The following GINS3 variants were observed in gnomAD, a reference collection of about 807,000 sequenced individuals.
GINS3 encodes DNA replication complex GINS protein PSF3.
GINS3 carries 18 observed loss-of-function variants against 20.0 expected under a neutral mutation model. The ratio of observed to expected loss-of-function variants is 0.90; its 90% CI spans 0.62 to 1.33. The LOEUF (loss-of-function observed/expected upper bound fraction) is 1.33, where lower values mean the gene tolerates loss of function less well. GINS3 is among the 40% of genes most tolerant of loss of function. The pLI is 0.00. For synonymous variants in GINS3, 109 were observed against 107.0 expected, an observed-to-expected ratio of 1.02 and a Z score of -0.12; for missense variants, 254 against 273.6, an observed-to-expected ratio of 0.93 and a Z score of 0.51.
intron 1 of GINS3, among the ~76,000 whole-genome samples, chr16:58,394,777 G>A (rs1965826883): frequency 6.6e-6 from 1 of 152,148 alleles, no homozygotes; most frequent in Admixed American, 6.5e-5. Flanking sequence ...ACAGGACTTT[G>A]TACTGTTCAT....
At chr16:58,401,294 CT>C (rs879173705) in intron 1 of GINS3, among the ~76,000 whole-genome samples, 1 of 152,012 alleles carries the variant, frequency 6.6e-6, no homozygotes, top group Non-Finnish European at 1.5e-5. Flanking sequence ...AGCTGCAGAC[CT>C]TTGCAGTGAG....
At position 58,403,101 on chromosome 16, in the gene GINS3, T is replaced by C; in HGVS notation, c.190T>C (p.Ser64Pro). 3 of 1,613,870 alleles carry C rather than the reference T, an allele frequency of 1.9e-6. No homozygotes were observed. Among genetic ancestry groups the C allele is most frequent in the Non-Finnish European group, 2.5e-6 (3 of 1,179,706 alleles). ...TCTACATTCATGCATGCTGCAGGGT[T>C]CCAAGCTTGAACTACCCTTGTGGCT... ...AETDNAVPQG[S>P]KLELPLWLAK... Residue 64 changes from serine (S) to proline (P), a missense_variant, in exon 2 of 3, where the codon TCC (serine) becomes CCC (proline). Physicochemically the swap from Ser to Pro is moderately conservative, Grantham distance 74 (BLOSUM62 -1). Coordinates refer to ENST00000318129, the MANE Select transcript of GINS3 (RefSeq NM_022770.4).
intron 1 of GINS3, among the ~76,000 whole-genome samples, chr16:58,400,749 TA>T (rs554089926): frequency 0.014 from 2,123 of 147,998 alleles, 11 homozygotes; most frequent in Non-Finnish European, 0.022. Context: ...TTTTAGCACA[TA>T]AAAAAAAAAT....
chr16:58,404,450 T>G (rs370041449), intron 2 of GINS3, 49 bp from the exon 3 acceptor site: 6 of 1,178,622 alleles, frequency 5.1e-6, no homozygotes, highest in Non-Finnish European at 5.1e-6. Flanking sequence ...GATATGACTT[T>G]GTGGGGTGTG....
intron 1 of GINS3, 156 bp from the exon 2 acceptor site, chr16:58,402,942 C>T: frequency 1.6e-6 from 1 of 615,836 alleles, no homozygotes; most frequent in Admixed American, 2.9e-5. Context: ...CCACACACTT[C>T]ATTGCTTCGA....
intron 1 of GINS3, among the ~76,000 whole-genome samples, chr16:58,400,429 C>CT (rs1265731356): frequency 6.6e-6 from 1 of 152,210 alleles, no homozygotes; most frequent in African/African-American, 2.4e-5. Context: ...TCATGTGGCA[C>CT]TTTCTGTCTA....
At chr16:58,399,545 A>G (rs573915994) in intron 1 of GINS3, among the ~76,000 whole-genome samples, 4 of 152,042 alleles carry the variant, frequency 2.6e-5, no homozygotes, top group Non-Finnish European at 5.9e-5. Context: ...TATGCAGCAT[A>G]TAGTTGGGTT....
chr16:58,397,639 C>T (rs1279826374), intron 1 of GINS3, among the ~76,000 whole-genome samples: 3 of 152,132 alleles, frequency 2.0e-5, no homozygotes, highest in Admixed American at 6.5e-5. Context: ...ACCCCGTCTC[C>T]ACCAAAAAAA....
chr16:58,401,718 G>A (rs1567537043), intron 1 of GINS3, among the ~76,000 whole-genome samples: 1 of 152,222 alleles, frequency 6.6e-6, no homozygotes. Flanking sequence ...TTACAGGCGT[G>A]AGCCACCGGC....
intron 1 of GINS3, among the ~76,000 whole-genome samples, chr16:58,395,484 G>T (rs544363746): frequency 4.4e-4 from 66 of 151,678 alleles, no homozygotes; most frequent in Middle Eastern, 6.8e-3. Flanking sequence ...GCGGCCTTCC[G>T]CAGTGTTTGT....
At chr16:58,397,356 TC>T (rs1041318673) in intron 1 of GINS3, among the ~76,000 whole-genome samples, 38 of 141,218 alleles carry the variant, frequency 2.7e-4, no homozygotes, top group African/African-American at 9.8e-4. Flanking sequence ...CTCCTCACTT[TC>T]CAGACTGGGC....
In GINS3 at chr16:58,403,272, T is replaced by C. The variant is rs1355291942; in HGVS notation, c.361T>C (p.Ser121Pro). Residue 121 changes from serine to proline, a missense_variant, in exon 2 of 3, where the codon TCC (serine) becomes CCC (proline). Ser to Pro is a moderately conservative substitution (Grantham distance 74). Transcript: ENST00000318129. ...KMGPHFYGFGSQLLHFDSPEN... is the reference protein window; with the variant it reads ...KMGPHFYGFGPQLLHFDSPEN... ...GGGGCCCCATTTCTACGGGTTTGGC[T>C]CCCAGCTCCTGCATTTTGACAGTCC... is the stretch of plus-strand genomic sequence containing the variant. The C allele has an allele frequency of 6.2e-7, 1 of 1,614,096 alleles. No individual in the cohort carries two copies. The highest frequency in any genetic ancestry group is 1.7e-5 in the Admixed American group (1 of 60,008).
Position 58,404,832 on chromosome 16 carries a change from A to G in GINS3, c.*103A>G, listed in dbSNP as rs1002653798. 19 of 790,122 alleles carry G rather than the reference A, an allele frequency of 2.4e-5. No individual in the cohort carries two copies. The African/African-American group carries it at 3.3e-4, about 14-fold the overall frequency. The allele number at this position is 790,122 out of a possible 1,614,324, so 48.9% of individuals were successfully genotyped here. A position where few individuals can be genotyped will look rare whatever the true frequency, so the allele number is the denominator to read the frequency against. On this transcript the variant is annotated 3_prime_UTR_variant, in exon 3 of 3. Transcript: ENST00000318129. ...CAGAACCAGAATCCTGTCCCATTTC[A>G]TGGCTTATTTCCTGTGGCCATAGAG...
At position 58,403,500 on chromosome 16, in the gene GINS3, C is replaced by A. The variant is rs1377846547; in HGVS notation, c.420+169C>A. 3 of 568,090 alleles carry A rather than the reference C, an allele frequency of 5.3e-6. No individual in the cohort carries two copies. In the Admixed American group the frequency reaches 9.9e-5, roughly 19 times the overall value. 35.2% of individuals were successfully genotyped at this position (568,090 alleles called of 1,614,324 possible). ...TTTTATATATTTACATATATACACACACACACACACACACACACACATTTT... is the reference window on the plus strand; with the variant it reads ...TTTTATATATTTACATATATACACAAACACACACACACACACACACATTTT... On this transcript the variant is annotated intron_variant, in intron 2 of 2. Coordinates refer to ENST00000318129, the MANE Select transcript of GINS3 (RefSeq NM_022770.4).
intron 1 of GINS3, among the ~76,000 whole-genome samples, chr16:58,399,260 C>G (rs1454271311): frequency 6.7e-6 from 1 of 150,348 alleles, no homozygotes; most frequent in African/African-American, 2.5e-5. Flanking sequence ...GCACTCCAGC[C>G]TGGGTGACAG....
At chr16:58,397,373 G>A (rs1399582865) in intron 1 of GINS3, among the ~76,000 whole-genome samples, 2 of 146,164 alleles carry the variant, frequency 1.4e-5, no homozygotes, top group African/African-American at 2.7e-5. Flanking sequence ...TGGGCAGCCA[G>A]GCAGAGAGGC....
At chr16:58,401,440 G>A (rs1027299113) in intron 1 of GINS3, among the ~76,000 whole-genome samples, 2 of 152,140 alleles carry the variant, frequency 1.3e-5, no homozygotes, top group African/African-American at 2.4e-5. Context: ...TTGGTGGCCT[G>A]CTTTTATTCC....
At chr16:58,398,712 T>C (rs1965915670) in intron 1 of GINS3, among the ~76,000 whole-genome samples, 1 of 151,928 alleles carries the variant, frequency 6.6e-6, no homozygotes, top group Non-Finnish European at 1.5e-5. Context: ...CCTGTAGGTA[T>C]TTAGAAGACT....
intron 1 of GINS3, among the ~76,000 whole-genome samples, chr16:58,400,243 C>G (rs1965937541): frequency 6.6e-6 from 1 of 152,216 alleles, no homozygotes; most frequent in African/African-American, 2.4e-5. Context: ...GGAAAGGTTG[C>G]ATGGAGTAAA....
Sources: allele counts gnomAD v4.1 joint callset (sites outside exome capture counted in the v4.1 genomes callset), GRCh38; gene constraint gnomAD v4.1.1; transcripts MANE v1.5; gene names NCBI Gene and HGNC (gene_info 2026-07-23, HGNC 2026-07-21).